AGO4: variants seen among roughly 807,000 people sequenced by gnomAD.
AGO4 encodes the protein argonaute RISC component 4, also known as protein argonaute-4.
Under a neutral mutation model 104.7 loss-of-function variants are expected in AGO4, and 33 were observed. The observed-to-expected ratio is 0.32, with a 90% CI of 0.24 to 0.42. The LOEUF (loss-of-function observed/expected upper bound fraction) is 0.42, where lower values mean the gene tolerates loss of function less well. Ranked by LOEUF, AGO4 falls within the 10% of genes least tolerant of loss-of-function variation. The pLI, the probability that AGO4 is intolerant of heterozygous loss-of-function variation, is 1.00. For synonymous variants in AGO4, 331 were observed against 364.7 expected (o/e 0.91, Z 1.05); for missense variants, 711 against 1,083.4 (o/e 0.66, Z 4.83).
At position 35,841,702 on chromosome 1, in the gene AGO4, G is replaced by A. The variant is rs1422857377; in HGVS notation, c.2127G>A (p.Val709=). ...DYRPGITYIV[V]QKRHHTRLFC... ...GGCCAGGAATAACTTATATTGTGGT[G>A]CAAAAAAGACATCACACACGACTCT... Residue 709 remains valine (V), a synonymous_variant, in exon 15 of 18, where the codon GTG becomes GTA. Coordinates refer to ENST00000373210, the MANE Select transcript of AGO4 (RefSeq NM_017629.4). This position sits in a 1 kb window ranked among gnomAD's most constrained non-coding sequence, Gnocchi z 4.7. The A allele has an allele frequency of 6.2e-7, 1 of 1,613,578 alleles. No homozygotes were observed. Among genetic ancestry groups the A allele is most frequent in the East Asian group, 2.2e-5 (1 of 44,866 alleles).
intron 13 of AGO4, among the ~76,000 whole-genome samples, chr1:35,840,766 C>T (rs543414874): frequency 3.9e-5 from 6 of 152,308 alleles, no homozygotes; most frequent in South Asian, 2.1e-4. Flanking sequence ...TACAGGCAGG[C>T]GCTGCCACGC....
At chr1:35,836,390 T>C (rs924927732) in intron 13 of AGO4, among the ~76,000 whole-genome samples, 1 of 152,250 alleles carries the variant, frequency 6.6e-6, no homozygotes, top group African/African-American at 2.4e-5. Context: ...TTGTGTATGA[T>C]TTCATTTCAT....
In AGO4 at chr1:35,856,370, G is replaced by T. The variant is rs200436813; in HGVS notation, c.*2765G>T. ...TAACCCCCTCGGGACTGACTGAATC[G>T]TTATGCATGTGTCAATCAATGGGAG... On this transcript the variant is annotated 3_prime_UTR_variant, in exon 18 of 18. Transcript: ENST00000373210. 3 of 152,200 alleles carry T rather than the reference G, an allele frequency of 2.0e-5. No individual in the cohort carries two copies. Among genetic ancestry groups the T allele is most frequent in the Non-Finnish European group, 4.4e-5 (3 of 68,040 alleles). The allele number at this position is 152,200 out of a possible 1,614,324, so 9.4% of individuals were successfully genotyped here. A position where few individuals can be genotyped will look rare whatever the true frequency, so the allele number is the denominator to read the frequency against.
In AGO4 at chr1:35,825,673, C is replaced by G; in HGVS notation, c.489-6C>G. On this transcript the variant is annotated splice_polypyrimidine_tract_variant and splice_region_variant and intron_variant, in intron 4 of 17. Transcript: ENST00000373210. ...ATGTGACACATGCAAACTCTTATTT[C>G]TTCAGGTACACCCCAGTGGGCCGTT... 2 of 1,537,304 alleles carry G rather than the reference C, an allele frequency of 1.3e-6. No individual in the cohort carries two copies. The highest frequency in any genetic ancestry group is 1.7e-6 in the Non-Finnish European group (2 of 1,146,572).
chr1:35,823,901 G>T (rs1340240026), intron 3 of AGO4, among the ~76,000 whole-genome samples: 2 of 151,998 alleles, frequency 1.3e-5, no homozygotes, highest in Non-Finnish European at 2.9e-5. Flanking sequence ...TTTTTATAGT[G>T]ATGATAGATT....
rs751529447 is a variant in AGO4 at position 35,826,874 on chromosome 1, T to C, written c.848+39T>C. 6.3e-6 allele frequency: 10 copies of C among 1,591,620 alleles called. No individual in the cohort carries two copies. The Admixed American group carries it at 8.5e-5, about 14-fold the overall frequency. ...ATCTAAAGTAATACAATTACATTTT[T>C]AGTAACAGAGGGAGCTACTATAATT... On this transcript the variant is annotated intron_variant, in intron 7 of 17. Transcript: ENST00000373210.
intron 7 of AGO4, among the ~76,000 whole-genome samples, chr1:35,827,100 G>C (rs1173942816): frequency 2.0e-5 from 3 of 152,020 alleles, no homozygotes; most frequent in African/African-American, 7.2e-5. Flanking sequence ...TACTCGGGAG[G>C]CTGAGGCAGA....
At chr1:35,834,677 A>T (rs1042126038) in intron 12 of AGO4, among the ~76,000 whole-genome samples, 1 of 152,204 alleles carries the variant, frequency 6.6e-6, no homozygotes, top group Non-Finnish European at 1.5e-5. Flanking sequence ...TTTGGCTATC[A>T]TTTAAATAAA....
chr1:35,826,598 G>A lies in AGO4; in HGVS notation c.761-150G>A. 5.7e-6 allele frequency: 4 copies of A among 706,062 alleles called. No individual in the cohort carries two copies. In the South Asian group the frequency reaches 6.5e-5, roughly 11 times the overall value. 43.7% of individuals were successfully genotyped at this position (706,062 alleles called of 1,614,324 possible). On this transcript the variant is annotated intron_variant, in intron 6 of 17. Transcript: ENST00000373210. ...GTTCTAATTTATTCTGCTTAACTCA[G>A]GTTTTTTGCCTATAACGATGAAATT... is the stretch of plus-strand genomic sequence containing the variant.
At chr1:35,829,573 C>T (rs1156892918) in intron 7 of AGO4, among the ~76,000 whole-genome samples, 6 of 152,210 alleles carry the variant, frequency 3.9e-5, no homozygotes, top group East Asian at 1.9e-4. Flanking sequence ...TGGTGGCTCA[C>T]GCCTCTAAAT....
intron 2 of AGO4, among the ~76,000 whole-genome samples, chr1:35,818,830 T>A (rs1330281534): frequency 6.6e-6 from 1 of 152,192 alleles, no homozygotes; most frequent in South Asian, 2.1e-4. Context: ...CATAACACTT[T>A]GTCATTTATT....
At chr1:35,822,173 C>G (rs1489996596) in intron 2 of AGO4, among the ~76,000 whole-genome samples, 1 of 151,892 alleles carries the variant, frequency 6.6e-6, no homozygotes, top group East Asian at 1.9e-4. Flanking sequence ...AGCCACCACG[C>G]CCAGCCAGGA....
intron 1 of AGO4, among the ~76,000 whole-genome samples, chr1:35,816,673 C>T (rs1571257900): frequency 6.6e-6 from 1 of 151,910 alleles, no homozygotes; most frequent in Non-Finnish European, 1.5e-5. Context: ...GTGGCAGGCT[C>T]CTGTAATCCC....
chr1:35,808,396 G>A lies in AGO4; in HGVS notation c.-21G>A. On this transcript the variant is annotated 5_prime_UTR_variant, in exon 1 of 18. Coordinates refer to ENST00000373210, the MANE Select transcript of AGO4 (RefSeq NM_017629.4). This position sits in a 1 kb window ranked among gnomAD's most constrained non-coding sequence, Gnocchi z 5.2. ...AGCGGGAGGCGCCGGGGACCGGGGCGAGGCGGCCCCCGCCGCCGCCATGGA... is the reference window on the plus strand; with the variant it reads ...AGCGGGAGGCGCCGGGGACCGGGGCAAGGCGGCCCCCGCCGCCGCCATGGA... 1 of 1,108,772 alleles carries A rather than the reference G, an allele frequency of 9.0e-7. No homozygotes were observed. 68.7% of individuals were successfully genotyped at this position (1,108,772 alleles called of 1,614,324 possible). A position where few individuals can be genotyped will look rare whatever the true frequency, so the allele number is the denominator to read the frequency against.
chr1:35,825,972 G>T lies in AGO4; in HGVS notation c.672G>T (p.Met224Ile). 2 of 1,614,184 alleles carry T rather than the reference G, an allele frequency of 1.2e-6. No individual in the cohort carries two copies. Among genetic ancestry groups the T allele is most frequent in the East Asian group, 4.5e-5 (2 of 44,892 alleles). ...FYRAQPIIEF[M>I]CEVLDIQNIN... The stretch of plus-strand genomic sequence containing the variant: ...GGGCTCAGCCTATCATTGAGTTCAT[G>T]TGTGAGGTTTTAGACATTCAGAACA... Residue 224 changes from methionine to isoleucine, a missense_variant, in exon 6 of 18, where the codon ATG (methionine) becomes ATT (isoleucine). This residue lies in a region of AGO4 where 308 missense variants were observed against 397.8 expected (regional missense o/e 0.77). Transcript: ENST00000373210.
chr1:35,821,559 G>A (rs1438537422), intron 2 of AGO4, among the ~76,000 whole-genome samples: 1 of 152,122 alleles, frequency 6.6e-6, no homozygotes, highest in African/African-American at 2.4e-5. Context: ...CCTGCATACA[G>A]TGTGATCTGG....
At chr1:35,830,827 T>C (rs6699935) in intron 7 of AGO4, among the ~76,000 whole-genome samples, 5,668 of 151,444 alleles carry the variant, frequency 0.037, 350 homozygotes, top group African/African-American at 0.13. Flanking sequence ...AATACAAAAA[T>C]TATAGGTGGT....
intron 7 of AGO4, among the ~76,000 whole-genome samples, chr1:35,828,259 A>G (rs556790858): frequency 6.6e-6 from 1 of 152,236 alleles, no homozygotes; most frequent in South Asian, 2.1e-4. Context: ...GGCTCAAGCA[A>G]TCCTCCCACC....
chr1:35,828,760 A>C (rs1470072037), intron 7 of AGO4, among the ~76,000 whole-genome samples: 1 of 151,784 alleles, frequency 6.6e-6, no homozygotes, highest in African/African-American at 2.4e-5. Flanking sequence ...ACCTCAGGCA[A>C]TCCACCCGCC....
Sources: allele counts gnomAD v4.1 joint callset (sites outside exome capture counted in the v4.1 genomes callset), GRCh38; gene constraint gnomAD v4.1.1; regional missense constraint gnomAD v4.1.1; non-coding constraint Gnocchi (gnomAD v3.1); transcripts MANE v1.5; gene names NCBI Gene and HGNC (gene_info 2026-07-23, HGNC 2026-07-21).